SYNPO2: variants seen among roughly 807,000 people sequenced by gnomAD.
The protein encoded by SYNPO2 is synaptopodin-2.
In SYNPO2, 56 loss-of-function variants were observed where a neutral mutation model predicts 85.0. The observed-to-expected ratio is 0.66, with a 90% confidence interval of 0.53 to 0.82. SYNPO2 has a LOEUF of 0.82. SYNPO2 is among the 40% of genes least tolerant of loss of function. SYNPO2 has a pLI of 0.00. For synonymous variants in SYNPO2, 602 were observed against 591.1 expected, an observed-to-expected ratio of 1.02 and a Z score of -0.27; for missense variants, 1,575 against 1,534.2, an observed-to-expected ratio of 1.03 and a Z score of -0.44.
chr4:118,879,200 A>G (rs1042454405), intron 1 of SYNPO2, among the ~76,000 whole-genome samples: 1 of 152,216 alleles, frequency 6.6e-6, no homozygotes, highest in Non-Finnish European at 1.5e-5. Context: ...AAGAACGGTA[A>G]CACTCACCGA....
intron 1 of SYNPO2, among the ~76,000 whole-genome samples, chr4:118,904,809 G>A (rs185458900): frequency 5.3e-5 from 8 of 150,446 alleles, no homozygotes; most frequent in African/African-American, 1.7e-4. Flanking sequence ...ATCTGTGAGA[G>A]TCGGATAATA....
intron 1 of SYNPO2, among the ~76,000 whole-genome samples, chr4:118,858,202 G>T (rs770597464): frequency 2.2e-4 from 34 of 152,184 alleles, no homozygotes; most frequent in African/African-American, 7.5e-4. Context: ...CTAAATCTGG[G>T]TATGTAACAG....
intron 1 of SYNPO2, among the ~76,000 whole-genome samples, chr4:119,001,157 C>A (rs1479850305): frequency 5.3e-5 from 8 of 152,178 alleles, no homozygotes; most frequent in African/African-American, 1.9e-4. Flanking sequence ...TGTGGCCATG[C>A]CCCCTTGAAC....
rs1303553358 is a variant in SYNPO2 at position 119,060,935 on chromosome 4, G to A, written c.*3001G>A. 6.6e-6 allele frequency: 1 copy of A among 151,570 alleles called. No homozygotes were observed. Among genetic ancestry groups the A allele is most frequent in the African/African-American group, 2.4e-5 (1 of 41,222 alleles). 9.4% of individuals were successfully genotyped at this position (151,570 alleles called of 1,614,324 possible). On this transcript the variant is annotated 3_prime_UTR_variant, in exon 5 of 5. Coordinates refer to ENST00000307142, the MANE Select transcript of SYNPO2 (RefSeq NM_133477.3). The stretch of plus-strand genomic sequence containing the variant: ...ATATTTTGGCACAATTATACACATT[G>A]GAAAGGGCCAACCTATTAGGGCTCA...
At chr4:119,009,683 C>A (rs550121727) in intron 1 of SYNPO2, among the ~76,000 whole-genome samples, 1 of 152,324 alleles carries the variant, frequency 6.6e-6, no homozygotes, top group East Asian at 1.9e-4. Context: ...CTTCTAAGAA[C>A]TGGCTTCCAT....
chr4:118,949,360 C>G (rs929583544), intron 1 of SYNPO2, among the ~76,000 whole-genome samples: 2 of 152,150 alleles, frequency 1.3e-5, no homozygotes, highest in African/African-American at 4.8e-5. Context: ...GAAATTGCTG[C>G]TATGGCTTTT....
rs1438965610 is a variant in SYNPO2, at chr4:118,976,388, C to T, written c.106-47042C>T. 9.2e-5 allele frequency among the ~76,000 whole-genome samples: 14 copies of T among 152,242 alleles called. No homozygotes were observed. In the East Asian group the frequency reaches 1.7e-3, roughly 19 times the overall value. On this transcript the variant is annotated intron_variant, in intron 1 of 4. Coordinates refer to ENST00000307142, the MANE Select transcript of SYNPO2 (RefSeq NM_133477.3). Reference sequence around the variant, plus strand: ...TGAGTGTTACAGCTCATAAAAGCAGCGTGGACCCAAAGAGTGAGCAGTAGC... The same window carrying T: ...TGAGTGTTACAGCTCATAAAAGCAGTGTGGACCCAAAGAGTGAGCAGTAGC...
chr4:118,902,759 G>GTGTCGAGGAGAATTTTAATAC (rs1445103040), intron 1 of SYNPO2, among the ~76,000 whole-genome samples: 1 of 152,168 alleles, frequency 6.6e-6, no homozygotes, highest in South Asian at 2.1e-4. Context: ...AATTTAAGGA[G>GTGTCGAGGAGAATTTTAATAC]TGTCGAGGAG....
chr4:118,941,515 C>A (rs1398295463), intron 1 of SYNPO2, among the ~76,000 whole-genome samples: 1 of 152,212 alleles, frequency 6.6e-6, no homozygotes, highest in Non-Finnish European at 1.5e-5. Flanking sequence ...CCCTCCCAGT[C>A]TCCTACTGCA....
At chr4:119,033,288 A>G (rs1333201842) in intron 4 of SYNPO2, 3 of 985,224 alleles carry the variant, frequency 3.0e-6, no homozygotes, top group Non-Finnish European at 3.6e-6. Context: ...TGCTTCTCCC[A>G]CGTTCCTTGC....
chr4:118,960,261 A>C (rs964530185), intron 1 of SYNPO2, among the ~76,000 whole-genome samples: 1 of 152,188 alleles, frequency 6.6e-6, no homozygotes, highest in Non-Finnish European at 1.5e-5. Flanking sequence ...GTTATTTTCC[A>C]TCCTGGTGGA....
intron 1 of SYNPO2, among the ~76,000 whole-genome samples, chr4:119,015,709 G>C (rs1737498310): frequency 6.6e-6 from 1 of 152,086 alleles, no homozygotes; most frequent in Non-Finnish European, 1.5e-5. Context: ...TAATCAGTCT[G>C]CTAAAAATGA....
Position 119,059,973 on chromosome 4 carries a change from C to T in SYNPO2, c.*2039C>T, listed in dbSNP as rs1171388176. 2 of 152,128 alleles carry T rather than the reference C, an allele frequency of 1.3e-5. No individual in the cohort carries two copies. The highest frequency in any genetic ancestry group is 2.9e-5 in the Non-Finnish European group (2 of 68,006). The allele number at this position is 152,128 out of a possible 1,614,324, so 9.4% of individuals were successfully genotyped here. A position where few individuals can be genotyped will look rare whatever the true frequency, so the allele number is the denominator to read the frequency against. The stretch of plus-strand genomic sequence containing the variant: ...AGTTAGCAAATTCTCAGAAATCCCC[C>T]ACATAAAAGCCTTACTTTGTTCAAA... On this transcript the variant is annotated 3_prime_UTR_variant, in exon 5 of 5. Coordinates refer to ENST00000307142, the MANE Select transcript of SYNPO2 (RefSeq NM_133477.3).
At chr4:119,051,693 T>C (rs1739056596) in intron 4 of SYNPO2, among the ~76,000 whole-genome samples, 1 of 152,184 alleles carries the variant, frequency 6.6e-6, no homozygotes, top group South Asian at 2.1e-4. Flanking sequence ...TTAGCTTATA[T>C]TTTACTTTAA....
At chr4:118,976,160 T>G (rs1735725069) in intron 1 of SYNPO2, among the ~76,000 whole-genome samples, 1 of 152,062 alleles carries the variant, frequency 6.6e-6, no homozygotes. Context: ...GCTCTTAAGT[T>G]GGCACGTCTG....
intron 4 of SYNPO2, among the ~76,000 whole-genome samples, chr4:119,045,820 A>G (rs772658021): frequency 6.6e-6 from 1 of 152,374 alleles, no homozygotes; most frequent in Non-Finnish European, 1.5e-5. Context: ...GTCTATATTA[A>G]TACAAGTATT....
intron 1 of SYNPO2, among the ~76,000 whole-genome samples, chr4:118,900,844 C>T (rs1732731869): frequency 6.6e-6 from 1 of 150,832 alleles, no homozygotes; most frequent in Non-Finnish European, 1.5e-5. Flanking sequence ...TCAATGTACA[C>T]AGTTTTTCTA....
At chr4:118,874,759 A>G (rs1388222959) in intron 1 of SYNPO2, among the ~76,000 whole-genome samples, 1 of 152,232 alleles carries the variant, frequency 6.6e-6, no homozygotes, top group East Asian at 1.9e-4. Context: ...TTTATTTAAA[A>G]TGAGAAAAAA....
At chr4:118,967,406 A>G (rs891691431) in intron 1 of SYNPO2, among the ~76,000 whole-genome samples, 1 of 152,208 alleles carries the variant, frequency 6.6e-6, no homozygotes, top group African/African-American at 2.4e-5. Context: ...TGTTTGGGTT[A>G]TGCTTAAGAG....
Sources: gnomAD v4.1 joint callset for allele counts (sites outside exome capture counted in the v4.1 genomes callset) on GRCh38, gnomAD v4.1.1 for gene constraint, MANE v1.5 for transcripts, NCBI Gene and HGNC (gene_info 2026-07-23, HGNC 2026-07-21) for gene names.